Variants in WDR12 observed in about 807,000 individuals in gnomAD.
The protein encoded by WDR12 is WD repeat domain 12.
Under a neutral mutation model 64.3 loss-of-function variants are expected in WDR12, and 42 were observed. The ratio of observed to expected loss-of-function variants is 0.65; its 90% CI spans 0.51 to 0.84. WDR12 has a LOEUF of 0.84. Among genes scored for constraint, WDR12 ranks in the 40% least tolerant of loss-of-function variants. The pLI is 0.00. For synonymous variants in WDR12, 158 were observed against 173.3 expected, an observed-to-expected ratio of 0.91 and a Z score of 0.70; for missense variants, 469 against 494.6, an observed-to-expected ratio of 0.95 and a Z score of 0.49.
rs1687994268 is a variant in WDR12 at position 202,883,650 on chromosome 2, T to G, written c.1080A>C (p.Ser360=). 6.2e-7 allele frequency: 1 copy of G among 1,614,050 alleles called. No homozygotes were observed. The highest frequency in any genetic ancestry group is 1.3e-5 in the African/African-American group (1 of 74,930). Residue 360 remains serine (S), a synonymous_variant, in exon 11 of 13, where the codon TCA becomes TCC. Transcript: ENST00000261015. ...GCTTAACAATGTTATCTAAAGATCC[T>G]GAAATCAGCTGCTGTTCATGGGTAG... The part of the protein sequence containing the change: ...WSPTHEQQLI[S]GSLDNIVKLW...
chr2:202,895,594 G>C (rs1688224147), intron 6 of WDR12, among the ~76,000 whole-genome samples: 1 of 148,658 alleles, frequency 6.7e-6, no homozygotes, highest in African/African-American at 2.5e-5. Flanking sequence ...TGCAATCTCG[G>C]TCACTGCAAC....
intron 8 of WDR12, among the ~76,000 whole-genome samples, chr2:202,888,756 A>G (rs754836166): frequency 2.0e-5 from 3 of 152,172 alleles, no homozygotes; most frequent in Non-Finnish European, 4.4e-5. Flanking sequence ...TCTGTCGCCC[A>G]AACTGGAGTG....
rs374301893 is a variant in WDR12 at position 202,911,419 on chromosome 2, C to A, written c.41+17G>T. On this transcript the variant is annotated intron_variant, in intron 1 of 12. Coordinates refer to ENST00000261015, the MANE Select transcript of WDR12 (RefSeq NM_018256.4). ...AGGAACCTGGGGAAGGGAGAGAAGG[C>A]TGGAACGCTTACTTACTTCTTGTTA... The A allele has an allele frequency of 9.3e-6, 15 of 1,613,704 alleles. No individual in the cohort carries two copies. Among genetic ancestry groups the A allele is most frequent in the Admixed American group, 1.7e-5 (1 of 59,998 alleles).
rs1687846982 is a variant in WDR12 at position 202,875,698 on chromosome 2, T to C, written c.*5162A>G. 1 of 152,164 alleles carries C rather than the reference T, an allele frequency of 6.6e-6. No homozygotes were observed. The highest frequency in any genetic ancestry group is 1.5e-5 in the Non-Finnish European group (1 of 68,046). 9.4% of individuals were successfully genotyped at this position (152,164 alleles called of 1,614,324 possible). A position where few individuals can be genotyped will look rare whatever the true frequency, so the allele number is the denominator to read the frequency against. ...CCACGGCGCCCAGCCACATATAACC[T>C]TTCTGTTAGGCAAGTGAAGACACTT... is the stretch of plus-strand genomic sequence containing the variant. On this transcript the variant is annotated 3_prime_UTR_variant, in exon 13 of 13. Coordinates refer to ENST00000261015, the MANE Select transcript of WDR12 (RefSeq NM_018256.4).
At chr2:202,895,517 C>CT (rs901435872) in intron 6 of WDR12, among the ~76,000 whole-genome samples, 1,446 of 111,428 alleles carry the variant, frequency 0.013, 21 homozygotes, top group East Asian at 0.027. Flanking sequence ...TCATTTCTTT[C>CT]TTTTTTTTTT....
intron 4 of WDR12, among the ~76,000 whole-genome samples, chr2:202,899,265 C>T (rs1455609593): frequency 2.0e-5 from 3 of 151,730 alleles, no homozygotes; most frequent in Non-Finnish European, 4.4e-5. Flanking sequence ...AGGATGGTCT[C>T]GATCTCCCAA....
intron 3 of WDR12, among the ~76,000 whole-genome samples, chr2:202,899,902 G>A (rs1345763178): frequency 6.6e-6 from 1 of 152,152 alleles, no homozygotes; most frequent in Non-Finnish European, 1.5e-5. Flanking sequence ...GGGGCAGGAG[G>A]ACTGCTTCAG....
At position 202,897,422 on chromosome 2, in the gene WDR12, G is replaced by GA. The variant is rs765770687; in HGVS notation, c.339-8dup. ...ATAAGAACCAGTCAAGATCCTATGA[G>GA]AAAAAAAAATCTTATGAAACACAAA... On this transcript the variant is annotated splice_polypyrimidine_tract_variant and splice_region_variant and intron_variant, in intron 4 of 12. Transcript: ENST00000261015. The GA allele has an allele frequency of 3.8e-4, 556 of 1,469,004 alleles. 1 individual carries two copies. Among genetic ancestry groups the GA allele is most frequent in the South Asian group, 8.1e-4 (60 of 74,142 alleles). 91.0% of individuals were successfully genotyped at this position (1,469,004 alleles called of 1,614,324 possible).
intron 8 of WDR12, among the ~76,000 whole-genome samples, chr2:202,886,177 C>A (rs1175975659): frequency 6.6e-6 from 1 of 150,970 alleles, no homozygotes; most frequent in Admixed American, 6.6e-5. Flanking sequence ...AGAGAGGAGG[C>A]CACACACGGT....
chr2:202,880,768 G>T lies in WDR12; in HGVS notation c.*92C>A. The T allele has an allele frequency of 1.8e-6, 2 of 1,089,510 alleles. No individual in the cohort carries two copies. The highest frequency in any genetic ancestry group is 2.6e-6 in the Non-Finnish European group (2 of 763,152). 67.5% of individuals were successfully genotyped at this position (1,089,510 alleles called of 1,614,324 possible). A position where few individuals can be genotyped will look rare whatever the true frequency, so the allele number is the denominator to read the frequency against. The stretch of plus-strand genomic sequence containing the variant: ...GAAAACATTATATAAACTTCAAAAG[G>T]CTGCTTTCTGCATCTGCATCTATGT... On this transcript the variant is annotated 3_prime_UTR_variant, in exon 13 of 13. Coordinates refer to ENST00000261015, the MANE Select transcript of WDR12 (RefSeq NM_018256.4).
chr2:202,876,522 T>C lies in WDR12; in HGVS notation c.*4338A>G, dbSNP rs1340589157. 1 of 152,214 alleles carries C rather than the reference T, an allele frequency of 6.6e-6. No homozygotes were observed. The highest frequency in any genetic ancestry group is 1.5e-5 in the Non-Finnish European group (1 of 68,044). The allele number at this position is 152,214 out of a possible 1,614,324, so 9.4% of individuals were successfully genotyped here. ...TCTGGATTTCACTTGCCTAATGAAA[T>C]CTGATTCTAATTAGTGGCTTTTTAA... On this transcript the variant is annotated 3_prime_UTR_variant, in exon 13 of 13. Transcript: ENST00000261015.
intron 8 of WDR12, among the ~76,000 whole-genome samples, chr2:202,891,893 GGTT>G (rs1419463146): frequency 1.3e-5 from 2 of 152,176 alleles, no homozygotes; most frequent in Non-Finnish European, 2.9e-5. Flanking sequence ...GTACAACAGT[GGTT>G]GCCGGGAACT....
chr2:202,905,239 G>A (rs560239921), intron 2 of WDR12, among the ~76,000 whole-genome samples: 25 of 152,270 alleles, frequency 1.6e-4, no homozygotes, highest in African/African-American at 5.3e-4. Flanking sequence ...TCCGCCTCCC[G>A]GGTTCAAGCA....
At chr2:202,889,028 A>C (rs1574404188) in intron 8 of WDR12, among the ~76,000 whole-genome samples, 1 of 152,304 alleles carries the variant, frequency 6.6e-6, no homozygotes, top group African/African-American at 2.4e-5. Context: ...CTAACGCAGC[A>C]ACATTTTCAT....
In WDR12 at chr2:202,894,475, G is replaced by A. The variant is rs567810616; in HGVS notation, c.655+106C>T. 73 of 931,826 alleles carry A rather than the reference G, an allele frequency of 7.8e-5. No individual in the cohort carries two copies. In the African/African-American group the frequency reaches 1.1e-3, roughly 14 times the overall value. 57.7% of individuals were successfully genotyped at this position (931,826 alleles called of 1,614,324 possible). On this transcript the variant is annotated intron_variant, in intron 7 of 12. Transcript: ENST00000261015. The stretch of plus-strand genomic sequence containing the variant: ...GGCCTCAAGTGATCCTTCTACCCTG[G>A]CTTCCTGAAGTGCTGAGATTATAGG...
chr2:202,884,170 T>C (rs757834388), intron 10 of WDR12, 28 bp downstream of exon 10: 1 of 1,593,164 alleles, frequency 6.3e-7, no homozygotes, highest in South Asian at 1.1e-5. Context: ...TTCACACATA[T>C]ATTCCCCCAG....
intron 4 of WDR12, among the ~76,000 whole-genome samples, chr2:202,898,302 C>T (rs1042292233): frequency 3.3e-5 from 5 of 152,062 alleles, no homozygotes; most frequent in South Asian, 4.1e-4. Context: ...GGGCACAGAC[C>T]GCCATACCTG....
chr2:202,894,473 TG>T, intron 7 of WDR12, 107 bp downstream of exon 7: 1 of 917,290 alleles, frequency 1.1e-6, no homozygotes, highest in Non-Finnish European at 1.6e-6. Context: ...CCTTCTACCC[TG>T]GCTTCCTGAA....
At position 202,911,510 on chromosome 2, in the gene WDR12, G is replaced by GT; in HGVS notation, c.-35dup. The GT allele has an allele frequency of 6.2e-7, 1 of 1,610,646 alleles. No individual in the cohort carries two copies. ...GTACACACGACTTGCCCACGGAAACGTACGGGTTAGCAGACCCACAACACG... is the reference window on the plus strand; with the variant it reads ...GTACACACGACTTGCCCACGGAAACGTTACGGGTTAGCAGACCCACAACACG... On this transcript the variant is annotated 5_prime_UTR_variant, in exon 1 of 13. Transcript: ENST00000261015.
Sources: allele counts gnomAD v4.1 joint callset (sites outside exome capture counted in the v4.1 genomes callset), GRCh38; gene constraint gnomAD v4.1.1; transcripts MANE v1.5; gene names NCBI Gene and HGNC (gene_info 2026-07-23, HGNC 2026-07-21).